The following MACROD2 variants were observed in gnomAD, a reference collection of about 807,000 sequenced individuals.
MACROD2 encodes mono-ADP ribosylhydrolase 2.
Under a neutral mutation model 70.4 loss-of-function variants are expected in MACROD2, and 36 were observed. The ratio of observed to expected loss-of-function variants is 0.51; its 90% CI spans 0.39 to 0.68. The LOEUF (loss-of-function observed/expected upper bound fraction) is 0.68, where lower values mean the gene tolerates loss of function less well. Ranked by LOEUF, MACROD2 falls within the 30% of genes least tolerant of loss-of-function variation. The probability of loss-of-function intolerance (pLI) is 0.00; values close to 1 mark genes in which losing one functional copy is unlikely to be tolerated. For missense variants in MACROD2, 496 were observed against 538.4 expected, an observed-to-expected ratio of 0.92 and a Z score of 0.78; for synonymous variants, 172 against 178.8, an observed-to-expected ratio of 0.96 and a Z score of 0.30.
intron 5 of MACROD2, among the ~76,000 whole-genome samples, chr20:14,908,160 A>T (rs1428958963): frequency 6.6e-6 from 1 of 150,794 alleles, no homozygotes; most frequent in Admixed American, 6.6e-5. Flanking sequence ...TCTGGCCAAC[A>T]CGGTGAAATC....
At chr20:14,993,461 C>G (rs1264226079) in intron 5 of MACROD2, among the ~76,000 whole-genome samples, 1 of 152,046 alleles carries the variant, frequency 6.6e-6, no homozygotes, top group Non-Finnish European at 1.5e-5. Context: ...TTCCCATTTT[C>G]TGTGTGTCTT....
intron 8 of MACROD2, among the ~76,000 whole-genome samples, chr20:15,560,724 C>A (rs1319371676): frequency 7.5e-6 from 1 of 133,260 alleles, no homozygotes; most frequent in Non-Finnish European, 1.5e-5. Context: ...GATTGCACCA[C>A]TGCACTCCAG....
Position 14,255,092 on chromosome 20 carries a change from T to G in MACROD2, c.271+169364T>G, listed in dbSNP as rs35493438. 2.6e-3 allele frequency among the ~76,000 whole-genome samples: 397 copies of G among 152,278 alleles called. 7 individuals carry two copies. The highest frequency in any genetic ancestry group is 0.019 in the Admixed American group (286 of 15,284). ...CCACTCTGTTCTGGCTTGTAGAGTT[T>G]CTGCTGAGAGATCCGCTGTTAGTCT... On this transcript the variant is annotated intron_variant, in intron 3 of 17. Coordinates refer to ENST00000684519, the MANE Select transcript of MACROD2 (RefSeq NM_001351661.2).
At chr20:14,540,109 A>G (rs1352011288) in intron 4 of MACROD2, among the ~76,000 whole-genome samples, 1 of 152,206 alleles carries the variant, frequency 6.6e-6, no homozygotes, top group Non-Finnish European at 1.5e-5. Flanking sequence ...CAATGTCCTT[A>G]ATTAATAACA....
intron 3 of MACROD2, among the ~76,000 whole-genome samples, chr20:14,206,080 G>C (rs2081520500): frequency 6.6e-6 from 1 of 152,184 alleles, no homozygotes; most frequent in Non-Finnish European, 1.5e-5. Flanking sequence ...TGTCCCCCTA[G>C]GGGATTTAGC....
intron 3 of MACROD2, among the ~76,000 whole-genome samples, chr20:14,160,511 A>G (rs949379853): frequency 1.1e-4 from 16 of 152,094 alleles, no homozygotes; most frequent in Non-Finnish European, 2.1e-4. Context: ...TTGTTATTAT[A>G]TAGCTGTTTA....
rs1255305033 is a variant in MACROD2, at chr20:15,135,838, C to G, written c.419-94102C>G. 6.0e-5 allele frequency among the ~76,000 whole-genome samples: 9 copies of G among 149,534 alleles called. No individual in the cohort carries two copies. In the East Asian group the frequency reaches 1.6e-3, roughly 26 times the overall value. On this transcript the variant is annotated intron_variant, in intron 5 of 17. Coordinates refer to ENST00000684519, the MANE Select transcript of MACROD2 (RefSeq NM_001351661.2). ...ACCCCATTGTCTCAGCCCAAAATCT[C>G]CTTAAGCTGATAAGCAACTTCAGCA...
chr20:15,428,341 G>A (rs1221842585), intron 6 of MACROD2, among the ~76,000 whole-genome samples: 1 of 152,174 alleles, frequency 6.6e-6, no homozygotes, highest in Non-Finnish European at 1.5e-5. Context: ...CTTTGAAAGA[G>A]TTCAGAACAT....
intron 8 of MACROD2, among the ~76,000 whole-genome samples, chr20:15,669,897 C>T (rs192669879): frequency 5.9e-5 from 9 of 152,228 alleles, no homozygotes; most frequent in Admixed American, 2.0e-4. Flanking sequence ...TTTATAAACA[C>T]GTATTGAGCA....
At chr20:14,387,858 G>T (rs565987467) in intron 3 of MACROD2, among the ~76,000 whole-genome samples, 27 of 152,290 alleles carry the variant, frequency 1.8e-4, no homozygotes, top group Admixed American at 3.3e-4. Context: ...TATTCTGACA[G>T]TTCTTGCTAC....
chr20:14,873,822 G>A (rs2073517543), intron 5 of MACROD2, among the ~76,000 whole-genome samples: 1 of 152,108 alleles, frequency 6.6e-6, no homozygotes, highest in African/African-American at 2.4e-5. Flanking sequence ...CTGCGCCATT[G>A]CACTCCAGCC....
At chr20:16,006,944 A>G (rs2066797418) in intron 15 of MACROD2, among the ~76,000 whole-genome samples, 2 of 152,306 alleles carry the variant, frequency 1.3e-5, no homozygotes, top group Non-Finnish European at 2.9e-5. Flanking sequence ...ATAGGTATGG[A>G]GATGTGCCTG....
At chr20:15,889,723 C>T (rs960093652) in intron 10 of MACROD2, among the ~76,000 whole-genome samples, 75 of 152,252 alleles carry the variant, frequency 4.9e-4, no homozygotes, top group African/African-American at 1.7e-3. Context: ...TTGAAATTAG[C>T]CCCAGTCTGA....
intron 4 of MACROD2, among the ~76,000 whole-genome samples, chr20:14,614,798 A>G (rs943989622): frequency 2.0e-5 from 3 of 152,130 alleles, no homozygotes; most frequent in African/African-American, 7.2e-5. Context: ...CACTGCAGGC[A>G]TATATGATTT....
intron 2 of MACROD2, among the ~76,000 whole-genome samples, chr20:14,067,861 A>G (rs2053785920): frequency 6.6e-6 from 1 of 152,146 alleles, no homozygotes; most frequent in Admixed American, 6.5e-5. Flanking sequence ...CTAGAATCAG[A>G]CTTCCATTGT....
chr20:14,667,184 T>G (rs879372713), intron 4 of MACROD2, among the ~76,000 whole-genome samples: 1 of 152,128 alleles, frequency 6.6e-6, no homozygotes, highest in Admixed American at 6.6e-5. Flanking sequence ...CTTGTCTATC[T>G]CTTGTGATCA....
chr20:15,352,116 A>G (rs1444240513), intron 6 of MACROD2, among the ~76,000 whole-genome samples: 1 of 152,230 alleles, frequency 6.6e-6, no homozygotes, highest in African/African-American at 2.4e-5. Flanking sequence ...CAGAGTGTAG[A>G]AACAGAGAAC....
chr20:15,376,016 T>C (rs1338102176), intron 6 of MACROD2, among the ~76,000 whole-genome samples: 1 of 152,170 alleles, frequency 6.6e-6, no homozygotes, highest in Non-Finnish European at 1.5e-5. Context: ...ATTATCTAGT[T>C]TGACTGGGAA....
At chr20:16,035,172 A>ATT (rs2067215865) in intron 15 of MACROD2, among the ~76,000 whole-genome samples, 12 of 74,556 alleles carry the variant, frequency 1.6e-4, no homozygotes, top group Admixed American at 3.6e-4. Flanking sequence ...TAAAATATAA[A>ATT]ATATTATATA....
Sources: allele counts gnomAD v4.1 joint callset (sites outside exome capture counted in the v4.1 genomes callset), GRCh38; gene constraint gnomAD v4.1.1; transcripts MANE v1.5; gene names NCBI Gene and HGNC (gene_info 2026-07-23, HGNC 2026-07-21).